NSUN4: variants seen among roughly 807,000 people sequenced by gnomAD.
NSUN4 encodes NOP2/Sun RNA methyltransferase 4.
In NSUN4, 31 loss-of-function variants were observed where a neutral mutation model predicts 43.8. That is an observed-to-expected ratio of 0.71 (90% confidence interval 0.53 to 0.96). The LOEUF (loss-of-function observed/expected upper bound fraction) is 0.96. Ranked by LOEUF, NSUN4 falls within the 40% of genes least tolerant of loss-of-function variation. NSUN4 has a pLI of 0.00. For synonymous variants in NSUN4, 167 were observed against 184.1 expected (o/e 0.91, Z 0.75); for missense variants, 439 against 475.6 (o/e 0.92, Z 0.72).
rs1662377755 is a variant in NSUN4, at chr1:46,344,940, A to G, written c.233A>G (p.Asn78Ser). ...LSEQKYGALV[N>S]NFAAWDHVSA... ...GAGCAGAAGTATGGTGCACTGGTCA[A>G]TAACTTTGCTGCCTGGGATCATGTA... The change falls in exon 2 of 6, where the codon AAT becomes AGT. Residue 78 changes from asparagine (N) to serine (S), a missense_variant. Coordinates refer to ENST00000474844, the MANE Select transcript of NSUN4 (RefSeq NM_199044.4). 3 of 1,614,118 alleles carry G rather than the reference A, an allele frequency of 1.9e-6. No individual in the cohort carries two copies. The highest frequency in any genetic ancestry group is 8.5e-7 in the Non-Finnish European group (1 of 1,180,044).
chr1:46,347,859 C>CTTTTTTTTTTTTTTTTTTTTTTTTTTTT (rs112974748), intron 3 of NSUN4, among the ~76,000 whole-genome samples: 1 of 143,162 alleles, frequency 7.0e-6, no homozygotes. Context: ...TTTTGACTTT[C>CTTTTTTTTTTTTTTTTTTTTTTTTTTTT]TTTTTTTTTT....
At chr1:46,357,403 G>A (rs1015323054) in intron 4 of NSUN4, among the ~76,000 whole-genome samples, 4 of 152,178 alleles carry the variant, frequency 2.6e-5, no homozygotes, top group African/African-American at 7.2e-5. Flanking sequence ...GGCTGGTCTC[G>A]AAATCCTGGG....
chr1:46,348,072 G>C (rs1254826241), intron 3 of NSUN4, among the ~76,000 whole-genome samples: 1 of 152,040 alleles, frequency 6.6e-6, no homozygotes, highest in African/African-American at 2.4e-5. Flanking sequence ...AGTAGAGACA[G>C]GGTTTCACCC....
chr1:46,343,669 G>T, intron 1 of NSUN4: 1 of 400,084 alleles, frequency 2.5e-6, no homozygotes. Context: ...CCTAGCAGAA[G>T]CTGGGGCCGG....
Position 46,345,082 on chromosome 1 carries a change from C to T in NSUN4, c.375C>T (p.Cys125=), listed in dbSNP as rs1340783397. The change falls in exon 2 of 6, where the codon TGC becomes TGT. Residue 125 remains cysteine, a synonymous_variant. Coordinates refer to ENST00000474844, the MANE Select transcript of NSUN4 (RefSeq NM_199044.4). ...CCCCATCCCCTGCCTCCTGGGCCTG[C>T]AGTCCGAACCTTCGATGCTTCACTT... ...SAAPSPASWA[C]SPNLRCFTFD... 2 of 1,614,088 alleles carry T rather than the reference C, an allele frequency of 1.2e-6. No homozygotes were observed. The highest frequency in any genetic ancestry group is 2.2e-5 in the East Asian group (1 of 44,890).
chr1:46,352,125 C>A (rs1663038351), intron 3 of NSUN4, among the ~76,000 whole-genome samples: 1 of 150,534 alleles, frequency 6.6e-6, no homozygotes, highest in South Asian at 2.1e-4. Context: ...GCCACTATGC[C>A]CAGACTCAGA....
chr1:46,350,219 C>T (rs964032169), intron 3 of NSUN4, among the ~76,000 whole-genome samples: 6 of 152,196 alleles, frequency 3.9e-5, no homozygotes, highest in African/African-American at 1.4e-4. Context: ...ATTTTTACTT[C>T]TTTGAGTGCC....
rs1664003241 is a variant in NSUN4, at chr1:46,363,485, G to C, written c.*1639G>C. The C allele has an allele frequency of 6.6e-6, 1 of 152,332 alleles. No homozygotes were observed. The highest frequency in any genetic ancestry group is 2.1e-4 in the South Asian group (1 of 4,832). 9.4% of individuals were successfully genotyped at this position (152,332 alleles called of 1,614,324 possible). ...AATGAGAGGGTCCCCTGCCTCTAGA[G>C]TCATCATCTAATTGGGGACAGGCAG... is the stretch of plus-strand genomic sequence containing the variant. On this transcript the variant is annotated 3_prime_UTR_variant, in exon 6 of 6. Transcript: ENST00000474844.
At chr1:46,383,260 G>A in the NSUN4 span, among the ~76,000 whole-genome samples, 3 of 152,140 alleles carry the variant, frequency 2.0e-5, no homozygotes, top group African/African-American at 7.2e-5. Flanking sequence ...GGGGGTGGAC[G>A]CCCCAGAGAC....
chr1:46,341,075 C>G (rs1030032954), intron 1 of NSUN4, 156 bp downstream of exon 1: 1 of 1,158,496 alleles, frequency 8.6e-7, no homozygotes, highest in African/African-American at 1.6e-5. Context: ...GTCACCGCCT[C>G]TGTCCGCACT....
chr1:46,342,059 G>A (rs879064115), intron 1 of NSUN4: 9 of 829,804 alleles, frequency 1.1e-5, no homozygotes, highest in Admixed American at 4.3e-5. Context: ...ATAGGACCCC[G>A]GGAACTTGCC....
intron 1 of NSUN4, chr1:46,341,904 A>C (rs1168055245): frequency 1.6e-6 from 2 of 1,232,784 alleles, no homozygotes; most frequent in African/African-American, 3.1e-5. Flanking sequence ...CTGTTACTCT[A>C]GCGGATGGCC....
At chr1:46,380,261 C>A in the NSUN4 span, among the ~76,000 whole-genome samples, 1 of 152,206 alleles carries the variant, frequency 6.6e-6, no homozygotes, top group African/African-American at 2.4e-5. Flanking sequence ...GAATAACTTA[C>A]CATCACCAGC....
intron 3 of NSUN4, among the ~76,000 whole-genome samples, chr1:46,352,400 T>C (rs1663065574): frequency 6.6e-6 from 1 of 151,170 alleles, no homozygotes; most frequent in Non-Finnish European, 1.5e-5. Context: ...TGCAGTGAGC[T>C]GAGAGTGTGC....
the NSUN4 span, among the ~76,000 whole-genome samples, chr1:46,384,732 C>T: frequency 2.3e-3 from 355 of 152,104 alleles, 1 homozygote; most frequent in African/African-American, 8.2e-3. Context: ...TGTGATGTGT[C>T]CATCCCTTTC....
intron 2 of NSUN4, among the ~76,000 whole-genome samples, 159 bp from the exon 3 acceptor site, chr1:46,346,762 G>A (rs557102192): frequency 1.1e-4 from 17 of 152,218 alleles, no homozygotes; most frequent in South Asian, 4.1e-4. Flanking sequence ...TCTGGCTCCC[G>A]TATAGATGAA....
intron 4 of NSUN4, among the ~76,000 whole-genome samples, chr1:46,356,916 T>C (rs1663420987): frequency 6.6e-6 from 1 of 152,214 alleles, no homozygotes; most frequent in African/African-American, 2.4e-5. Context: ...AACATGTTTC[T>C]ATCTTCCCTT....
chr1:46,372,037 CCTT>C, the NSUN4 span, among the ~76,000 whole-genome samples: 4 of 152,216 alleles, frequency 2.6e-5, no homozygotes, highest in East Asian at 5.8e-4. Context: ...CTATCAGAGT[CCTT>C]CTTTCCTTGT....
the NSUN4 span, among the ~76,000 whole-genome samples, chr1:46,378,101 G>A: frequency 6.6e-6 from 1 of 152,016 alleles, no homozygotes; most frequent in South Asian, 2.1e-4. Context: ...GTCTCCCTAT[G>A]TTGCCCAGGC....
Sources: allele counts gnomAD v4.1 joint callset (sites outside exome capture counted in the v4.1 genomes callset), GRCh38; gene constraint gnomAD v4.1.1; transcripts MANE v1.5; gene names NCBI Gene and HGNC (gene_info 2026-07-23, HGNC 2026-07-21).